LINGO2: variants seen among roughly 807,000 people sequenced by gnomAD.
LINGO2 encodes leucine rich repeat and Ig domain containing 2.
In LINGO2, 14 loss-of-function variants were observed where a neutral mutation model predicts 30.6. The ratio of observed to expected loss-of-function variants is 0.46; its 90% CI spans 0.30 to 0.72. The LOEUF (loss-of-function observed/expected upper bound fraction) is 0.72. Among genes scored for constraint, LINGO2 ranks in the 30% least tolerant of loss-of-function variants. LINGO2 has a pLI of 0.07. For synonymous variants in LINGO2, 317 were observed against 288.5 expected (o/e 1.10, Z -1.00); for missense variants, 729 against 751.7 (o/e 0.97, Z 0.35).
intron 1 of LINGO2, among the ~76,000 whole-genome samples, chr9:28,585,982 T>C (rs1026823283): frequency 6.6e-6 from 1 of 151,844 alleles, no homozygotes; most frequent in Non-Finnish European, 1.5e-5. Context: ...GCATACCTCC[T>C]GGTCAGCCCT....
intron 4 of LINGO2, among the ~76,000 whole-genome samples, chr9:28,014,267 A>T (rs985334280): frequency 2.0e-5 from 3 of 152,174 alleles, no homozygotes; most frequent in African/African-American, 7.2e-5. Flanking sequence ...AGGGGAAAAA[A>T]TGACAAAAAA....
the LINGO2 span, among the ~76,000 whole-genome samples, chr9:29,210,407 T>A: frequency 6.6e-6 from 1 of 152,226 alleles, no homozygotes; most frequent in East Asian, 1.9e-4. Context: ...ATGTCTTTGT[T>A]AATTTAATTC....
At chr9:28,316,645 T>C (rs552124375) in intron 3 of LINGO2, among the ~76,000 whole-genome samples, 51 of 152,266 alleles carry the variant, frequency 3.3e-4, no homozygotes, top group Admixed American at 1.1e-3. Flanking sequence ...GCATTTGAAC[T>C]TGGACTAAAG....
intron 5 of LINGO2, among the ~76,000 whole-genome samples, chr9:27,961,583 T>A (rs1008826367): frequency 2.0e-5 from 3 of 152,194 alleles, no homozygotes; most frequent in Admixed American, 1.3e-4. Flanking sequence ...ATAAGCTGTT[T>A]ACACGTTATC....
chr9:28,616,041 G>A (rs1206839591), intron 1 of LINGO2, among the ~76,000 whole-genome samples: 1 of 152,068 alleles, frequency 6.6e-6, no homozygotes, highest in Non-Finnish European at 1.5e-5. Flanking sequence ...GAGTGAGTGA[G>A]GCTAGTAATG....
the LINGO2 span, among the ~76,000 whole-genome samples, chr9:29,167,845 G>T: frequency 1.3e-5 from 2 of 151,948 alleles, no homozygotes; most frequent in Non-Finnish European, 2.9e-5. Context: ...TTTAATAATT[G>T]CAAGTTTCCT....
At chr9:28,300,387 G>A (rs1824095763) in intron 3 of LINGO2, among the ~76,000 whole-genome samples, 1 of 152,132 alleles carries the variant, frequency 6.6e-6, no homozygotes, top group Admixed American at 6.6e-5. Flanking sequence ...CAATCACTGA[G>A]AACGCAGGGC....
chr9:28,910,083 T>A, the LINGO2 span, among the ~76,000 whole-genome samples: 1 of 152,050 alleles, frequency 6.6e-6, no homozygotes, highest in Admixed American at 6.6e-5. Context: ...CTAATTAAAT[T>A]TTAAAAAATA....
chr9:28,890,988 T>TA, the LINGO2 span, among the ~76,000 whole-genome samples: 4 of 152,096 alleles, frequency 2.6e-5, no homozygotes, highest in Non-Finnish European at 4.4e-5. Flanking sequence ...AGTAGGTGGC[T>TA]AAATAAATGT....
the LINGO2 span, among the ~76,000 whole-genome samples, chr9:28,708,540 G>A: frequency 6.6e-6 from 1 of 152,032 alleles, no homozygotes; most frequent in Non-Finnish European, 1.5e-5. Flanking sequence ...TTTGTCTGGG[G>A]GGAGAACTTG....
intron 4 of LINGO2, among the ~76,000 whole-genome samples, chr9:28,191,496 G>A (rs573954667): frequency 1.3e-5 from 2 of 152,148 alleles, no homozygotes; most frequent in South Asian, 4.2e-4. Flanking sequence ...AAAATCACTT[G>A]GCTCATTTAT....
the LINGO2 span, among the ~76,000 whole-genome samples, chr9:29,054,582 A>G: frequency 3.9e-5 from 6 of 152,154 alleles, no homozygotes; most frequent in African/African-American, 1.4e-4. Context: ...CTCAACTACT[A>G]ATGTAAGCTT....
At chr9:28,974,527 T>G in the LINGO2 span, among the ~76,000 whole-genome samples, 1 of 152,178 alleles carries the variant, frequency 6.6e-6, no homozygotes, top group African/African-American at 2.4e-5. Context: ...CAAACAGTGT[T>G]AAAAATGGGA....
chr9:28,950,267 G>A, the LINGO2 span, among the ~76,000 whole-genome samples: 1 of 152,274 alleles, frequency 6.6e-6, no homozygotes, highest in East Asian at 1.9e-4. Context: ...AGCTATTTAT[G>A]ACAAACCCAC....
At chr9:28,626,808 TC>T (rs1361609824) in intron 1 of LINGO2, among the ~76,000 whole-genome samples, 2 of 150,820 alleles carry the variant, frequency 1.3e-5, no homozygotes, top group Admixed American at 6.7e-5. Flanking sequence ...AATGTTTTTT[TC>T]AGCTCTAAAA....
chr9:27,990,468 C>CG (rs201417261), intron 5 of LINGO2, among the ~76,000 whole-genome samples: 1 of 126,596 alleles, frequency 7.9e-6, no homozygotes, highest in African/African-American at 2.7e-5. Context: ...CAATACCCCC[C>CG]CCCCTTTTAT....
At chr9:28,200,174 A>C (rs965202713) in intron 4 of LINGO2, among the ~76,000 whole-genome samples, 1 of 152,218 alleles carries the variant, frequency 6.6e-6, no homozygotes, top group African/African-American at 2.4e-5. Context: ...TAAACATTTA[A>C]GCTAATGCAG....
chr9:29,117,196 AG>A, the LINGO2 span, among the ~76,000 whole-genome samples: 3 of 152,208 alleles, frequency 2.0e-5, no homozygotes, highest in Non-Finnish European at 4.4e-5. Context: ...TTGTGCTCTC[AG>A]GTAAAACCTA....
intron 4 of LINGO2, among the ~76,000 whole-genome samples, chr9:28,226,984 G>GT (rs1431782013): frequency 6.6e-6 from 1 of 152,160 alleles, no homozygotes; most frequent in East Asian, 1.9e-4. Flanking sequence ...CAGTCAGCTT[G>GT]TAGGTAGGCT....
Sources: allele counts gnomAD v4.1 joint callset (sites outside exome capture counted in the v4.1 genomes callset), GRCh38; gene constraint gnomAD v4.1.1; transcripts MANE v1.5; gene names NCBI Gene and HGNC (gene_info 2026-07-23, HGNC 2026-07-21).